The following CLSPN variants were observed in gnomAD, a reference collection of about 807,000 sequenced individuals.
CLSPN encodes claspin, also known as claspin homolog.
In CLSPN, 85 loss-of-function variants were observed where a neutral mutation model predicts 156.3. The ratio of observed to expected loss-of-function variants is 0.54; its 90% CI spans 0.46 to 0.65. The LOEUF is 0.65. CLSPN is among the 30% of genes least tolerant of loss of function. CLSPN has a pLI of 0.00. For missense variants in CLSPN, 1,407 were observed against 1,554.9 expected (o/e 0.90, Z 1.60); for synonymous variants, 534 against 542.4 (o/e 0.98, Z 0.22).
downstream of CLSPN, among the ~76,000 whole-genome samples, chr1:35,728,005 G>T (rs1641232175): frequency 6.6e-6 from 1 of 151,594 alleles, no homozygotes; most frequent in African/African-American, 2.4e-5. Context: ...GCAGCCAAGA[G>T]CTATGCCTCA....
chr1:35,769,933 G>A lies in CLSPN; in HGVS notation c.-63C>T, dbSNP rs1186210623. ...TGTCTCTGATTCCCTCAGCCGGAGAGCAGCGGCTCCCGCCGTCTCCAGCCC... is the reference window on the plus strand; with the variant it reads ...TGTCTCTGATTCCCTCAGCCGGAGAACAGCGGCTCCCGCCGTCTCCAGCCC... On this transcript the variant is annotated 5_prime_UTR_variant, in exon 1 of 25. Transcript: ENST00000318121. The A allele has an allele frequency of 2.5e-6, 4 of 1,582,372 alleles. No homozygotes were observed. Among genetic ancestry groups the A allele is most frequent in the Non-Finnish European group, 3.5e-6 (4 of 1,159,248 alleles).
At chr1:35,742,744 T>G (rs961885019) in intron 18 of CLSPN, among the ~76,000 whole-genome samples, 2 of 108,932 alleles carry the variant, frequency 1.8e-5, no homozygotes, top group Non-Finnish European at 3.6e-5. Flanking sequence ...AGTGATCAAC[T>G]TTTTTTTTTT....
chr1:35,725,362 A>G (rs768928812), intron 24 of CLSPN, among the ~76,000 whole-genome samples: 62 of 152,172 alleles, frequency 4.1e-4, no homozygotes, highest in Non-Finnish European at 7.9e-4. Flanking sequence ...AGAAAAGCCA[A>G]ATCCAAGGTC....
chr1:35,761,685 G>A (rs1642482294), intron 6 of CLSPN, among the ~76,000 whole-genome samples: 1 of 152,100 alleles, frequency 6.6e-6, no homozygotes, highest in African/African-American at 2.4e-5. Flanking sequence ...ATGGACCATG[G>A]CTGACACAGG....
At chr1:35,731,060 T>G (rs552439343), downstream of CLSPN, among the ~76,000 whole-genome samples, 1 of 150,798 alleles carries the variant, frequency 6.6e-6, no homozygotes, top group African/African-American at 2.4e-5. Flanking sequence ...ATTAGCTGGG[T>G]GTAGTGGCGC....
At chr1:35,758,607 T>G (rs1046108300) in intron 8 of CLSPN, among the ~76,000 whole-genome samples, 1 of 151,712 alleles carries the variant, frequency 6.6e-6, no homozygotes, top group Non-Finnish European at 1.5e-5. Context: ...ATCGCAGCAT[T>G]GCACTCCAGC....
At chr1:35,726,591 A>G (rs1309670169) in intron 24 of CLSPN, among the ~76,000 whole-genome samples, 1 of 152,228 alleles carries the variant, frequency 6.6e-6, no homozygotes, top group Admixed American at 6.5e-5. Flanking sequence ...ACACATCATC[A>G]TAATAAATAA....
chr1:35,730,626 G>A (rs961226133), downstream of CLSPN, among the ~76,000 whole-genome samples: 14 of 132,434 alleles, frequency 1.1e-4, no homozygotes, highest in East Asian at 3.2e-3. Flanking sequence ...ACCTAATTAA[G>A]AAAGGAGTGG....
intron 18 of CLSPN, 146 bp from the exon 19 acceptor site, chr1:35,739,675 A>G (rs1371131742): frequency 3.4e-6 from 2 of 596,184 alleles, no homozygotes; most frequent in African/African-American, 3.8e-5. Flanking sequence ...AATAGTCTCC[A>G]CTTATGATGG....
chr1:35,736,696 G>A, intron 24 of CLSPN, 90 bp from the exon 25 acceptor site: 4 of 1,493,230 alleles, frequency 2.7e-6, no homozygotes, highest in Non-Finnish European at 3.6e-6. Flanking sequence ...ATAAATTGTG[G>A]ATGATTAACA....
exon 25 of CLSPN, chr1:35,720,931 A>T: frequency 6.2e-7 from 1 of 1,612,380 alleles, no homozygotes; most frequent in South Asian, 1.1e-5. Context: ...GAATCCAGGG[A>T]TAGGAGCTCC....
chr1:35,727,442 A>G (rs1641218168), downstream of CLSPN, among the ~76,000 whole-genome samples: 1 of 152,100 alleles, frequency 6.6e-6, no homozygotes, highest in Non-Finnish European at 1.5e-5. Context: ...GGCAATTCCC[A>G]CCCTGGAAGA....
At position 35,739,420 on chromosome 1, in the gene CLSPN, C is replaced by CAA; in HGVS notation, c.3251_3252dup (p.Asp1085LeufsTer20). The CAA allele has an allele frequency of 6.2e-7, 1 of 1,614,116 alleles. No individual in the cohort carries two copies. Among genetic ancestry groups the CAA allele is most frequent in the Non-Finnish European group, 8.5e-7 (1 of 1,179,992 alleles). ...TCCTCATCAGAAGGAAGTACTTCAT[C>CAA]AATTACGTCCTCTTCATATTCATCA... On this transcript the variant is annotated frameshift_variant, in exon 19 of 25. Coordinates refer to ENST00000318121, the MANE Select transcript of CLSPN (RefSeq NM_022111.4). LOFTEE classifies it high-confidence loss of function.
chr1:35,755,103 G>T (rs545876931), intron 8 of CLSPN, among the ~76,000 whole-genome samples: 1 of 152,050 alleles, frequency 6.6e-6, no homozygotes, highest in African/African-American at 2.4e-5. Flanking sequence ...TGATAAAATG[G>T]TTTATTTTTA....
Position 35,736,521 on chromosome 1 carries a change from C to T in CLSPN, c.3995G>A (p.Ser1332Asn), listed in dbSNP as rs760445985. The T allele has an allele frequency of 1.9e-6, 3 of 1,607,022 alleles. No homozygotes were observed. Among genetic ancestry groups the T allele is most frequent in the Non-Finnish European group, 2.5e-6 (3 of 1,177,250 alleles). The change falls in exon 25 of 25, where the codon AGC becomes AAC. Residue 1332 changes from serine (S) to asparagine (N), a missense_variant. Ser to Asn is a conservative substitution (Grantham distance 46). Around this residue, in one of 3 missense-constraint regions of CLSPN, gnomAD observed 241 missense variants for 240.5 expected, o/e 1.00. Coordinates refer to ENST00000318121, the MANE Select transcript of CLSPN (RefSeq NM_022111.4). ...TTAGCTCTCCAAATATTTGAAGATGCTTCGCGTCAATCCTGAAGTGCTATC... is the reference window on the plus strand; with the variant it reads ...TTAGCTCTCCAAATATTTGAAGATGTTTCGCGTCAATCCTGAAGTGCTATC... ...TDDSTSGLTR[S>N]IFKYLES
intron 18 of CLSPN, among the ~76,000 whole-genome samples, chr1:35,741,610 C>T (rs1349562311): frequency 3.3e-5 from 5 of 152,154 alleles, no homozygotes; most frequent in Admixed American, 3.3e-4. Flanking sequence ...GCCACTGCAC[C>T]CAGTTTGTAT....
At chr1:35,748,642 A>T (rs372545084) in intron 12 of CLSPN, 38 bp from the exon 13 acceptor site, 3 of 1,544,050 alleles carry the variant, frequency 1.9e-6, no homozygotes, top group Middle Eastern at 1.7e-4. Context: ...ACATGATTAC[A>T]GAAATAAGGT....
intron 1 of CLSPN, among the ~76,000 whole-genome samples, chr1:35,766,757 C>T (rs10908409): frequency 0.32 from 47,978 of 149,534 alleles, 11,445 homozygotes; most frequent in East Asian, 0.77. Context: ...TGTATATTTC[C>T]TTTTTTCTTT....
intron 16 of CLSPN, among the ~76,000 whole-genome samples, chr1:35,744,423 C>G (rs1459438565): frequency 6.6e-6 from 1 of 152,020 alleles, no homozygotes; most frequent in Non-Finnish European, 1.5e-5. Flanking sequence ...CACCTCAGCC[C>G]CCTGAATAGC....
Sources: gnomAD v4.1 joint callset for allele counts (sites outside exome capture counted in the v4.1 genomes callset) on GRCh38, gnomAD v4.1.1 for gene constraint, gnomAD v4.1.1 regional missense constraint, MANE v1.5 for transcripts, NCBI Gene and HGNC (gene_info 2026-07-23, HGNC 2026-07-21) for gene names.